Variants in C12orf42 observed in about 807,000 individuals in gnomAD.
The protein encoded by C12orf42 is uncharacterized protein C12orf42.
In C12orf42, 25 loss-of-function variants were observed where a neutral mutation model predicts 21.6. The observed-to-expected ratio is 1.16, with a 90% confidence interval of 0.84 to 1.62. The LOEUF (loss-of-function observed/expected upper bound fraction) is 1.62. Ranked by LOEUF, C12orf42 falls within the 40% of genes most tolerant of loss-of-function variation. The pLI, the probability that C12orf42 is intolerant of heterozygous loss-of-function variation, is 0.00. For synonymous variants in C12orf42, 174 were observed against 175.0 expected, an observed-to-expected ratio of 0.99 and a Z score of 0.05; for missense variants, 483 against 459.3, an observed-to-expected ratio of 1.05 and a Z score of -0.47.
chr12:103,443,356 T>TA (rs1951378095), intron 2 of C12orf42, among the ~76,000 whole-genome samples: 1 of 152,052 alleles, frequency 6.6e-6, no homozygotes, highest in Admixed American at 6.6e-5. Flanking sequence ...AGTGACCTTC[T>TA]AAGCCTGATG....
chr12:103,557,250 C>A, the C12orf42 span, among the ~76,000 whole-genome samples: 1 of 152,176 alleles, frequency 6.6e-6, no homozygotes, highest in Admixed American at 6.5e-5. Context: ...GTTTAGAAAC[C>A]ACAGAAAATA....
chr12:103,052,792 A>T, the C12orf42 span, among the ~76,000 whole-genome samples: 875 of 152,094 alleles, frequency 5.8e-3, 6 homozygotes, highest in Non-Finnish European at 9.6e-3. Flanking sequence ...TACCTTTTAC[A>T]CTTAGATCTA....
At chr12:103,153,351 G>A in the C12orf42 span, among the ~76,000 whole-genome samples, 1 of 152,062 alleles carries the variant, frequency 6.6e-6, no homozygotes, top group African/African-American at 2.4e-5. Flanking sequence ...AATTAAAATG[G>A]TGTGTTCTTC....
At chr12:103,462,110 T>TTTTTTGTTTTTTTTTTTG in intron 2 of C12orf42, among the ~76,000 whole-genome samples, 2 of 92,624 alleles carry the variant, frequency 2.2e-5, no homozygotes, top group Non-Finnish European at 4.4e-5. Flanking sequence ...TTTTTTTTTT[T>TTTTTTGTTTTTTTTTTTG]TTTTTTTTTT....
chr12:103,129,745 A>G, the C12orf42 span, among the ~76,000 whole-genome samples: 1 of 152,192 alleles, frequency 6.6e-6, no homozygotes, highest in African/African-American at 2.4e-5. Context: ...ACTGTCCTCC[A>G]TACTCCAGAA....
At chr12:103,318,502 C>G (rs1347959864) in intron 4 of C12orf42, among the ~76,000 whole-genome samples, 1 of 152,162 alleles carries the variant, frequency 6.6e-6, no homozygotes, top group Non-Finnish European at 1.5e-5. Context: ...TCCTTGCCAA[C>G]ACTTGCTATT....
chr12:103,253,637 G>A (rs12369672), intron 10 of C12orf42, among the ~76,000 whole-genome samples: 6 of 152,148 alleles, frequency 3.9e-5, no homozygotes, highest in East Asian at 3.9e-4. Context: ...GAACGCTTGC[G>A]ATTTTTGCAC....
At chr12:103,345,018 T>C (rs1029265661) in intron 4 of C12orf42, among the ~76,000 whole-genome samples, 3 of 152,130 alleles carry the variant, frequency 2.0e-5, no homozygotes, top group African/African-American at 4.8e-5. Flanking sequence ...TGCCTGACTT[T>C]TGGAATTAGG....
chr12:103,435,383 G>T (rs894755169), intron 2 of C12orf42, among the ~76,000 whole-genome samples: 2 of 152,174 alleles, frequency 1.3e-5, no homozygotes, highest in Non-Finnish European at 2.9e-5. Context: ...CACCAGCAAC[G>T]GAACAAAGCT....
the C12orf42 span, among the ~76,000 whole-genome samples, chr12:103,110,568 T>C: frequency 2.6e-5 from 4 of 152,196 alleles, no homozygotes; most frequent in African/African-American, 4.8e-5. Flanking sequence ...AGAAGTTTGA[T>C]ATGTTACTTT....
chr12:103,418,096 G>C (rs889282448), intron 2 of C12orf42, among the ~76,000 whole-genome samples: 1 of 152,136 alleles, frequency 6.6e-6, no homozygotes, highest in Admixed American at 6.6e-5. Flanking sequence ...CATAGAAATG[G>C]TATTTAAATT....
chr12:103,329,424 A>C (rs2041016877), intron 4 of C12orf42, among the ~76,000 whole-genome samples: 1 of 152,122 alleles, frequency 6.6e-6, no homozygotes, highest in African/African-American at 2.4e-5. Flanking sequence ...ACAAATACCT[A>C]ATGCATGTGG....
intron 3 of C12orf42, among the ~76,000 whole-genome samples, chr12:103,375,371 G>A (rs1217068158): frequency 6.6e-6 from 1 of 152,102 alleles, no homozygotes; most frequent in Non-Finnish European, 1.5e-5. Flanking sequence ...TCCCAGTGTT[G>A]TTGGAGTCTG....
chr12:103,358,588 C>T (rs1462286948), intron 4 of C12orf42, among the ~76,000 whole-genome samples: 2 of 151,786 alleles, frequency 1.3e-5, no homozygotes, highest in Non-Finnish European at 2.9e-5. Context: ...AGTACCATCA[C>T]CATCACCCAT....
intron 2 of C12orf42, among the ~76,000 whole-genome samples, chr12:103,405,162 G>C (rs572534686): frequency 6.6e-6 from 1 of 152,138 alleles, no homozygotes; most frequent in African/African-American, 2.4e-5. Context: ...AGGGAATAAG[G>C]TACTAGGGAA....
chr12:103,288,048 C>T (rs1023250993), intron 4 of C12orf42, among the ~76,000 whole-genome samples: 4 of 152,166 alleles, frequency 2.6e-5, no homozygotes, highest in Middle Eastern at 6.3e-3. Flanking sequence ...TTTGTTCAAC[C>T]TAATTTGTGA....
chr12:103,160,812 C>T, the C12orf42 span, among the ~76,000 whole-genome samples: 2 of 152,274 alleles, frequency 1.3e-5, no homozygotes, highest in Middle Eastern at 3.4e-3. Context: ...CTAGACATAC[C>T]AACATAGTGT....
At chr12:103,203,352 A>T in the C12orf42 span, among the ~76,000 whole-genome samples, 1 of 152,102 alleles carries the variant, frequency 6.6e-6, no homozygotes, top group Non-Finnish European at 1.5e-5. Context: ...TTCAATTTTG[A>T]TCAAAACCTA....
At chr12:103,059,032 C>T in the C12orf42 span, among the ~76,000 whole-genome samples, 1 of 152,006 alleles carries the variant, frequency 6.6e-6, no homozygotes, top group Non-Finnish European at 1.5e-5. Flanking sequence ...ATCAGTGAGT[C>T]CAGGAGCTTG....
Sources: allele counts gnomAD v4.1 joint callset (sites outside exome capture counted in the v4.1 genomes callset), GRCh38; gene constraint gnomAD v4.1.1; transcripts MANE v1.5; gene names NCBI Gene and HGNC (gene_info 2026-07-23, HGNC 2026-07-21).